CSNK2A1: variants seen among roughly 807,000 people sequenced by gnomAD.
The protein encoded by CSNK2A1 is casein kinase 2 alpha 1.
In CSNK2A1, 10 loss-of-function variants were observed where a neutral mutation model predicts 62.9. That is an observed-to-expected ratio of 0.16 (90% CI 0.10 to 0.27). CSNK2A1 has a LOEUF of 0.27. Among genes scored for constraint, CSNK2A1 ranks in the 10% least tolerant of loss-of-function variants. CSNK2A1 has a pLI of 1.00. For missense variants in CSNK2A1, 160 were observed against 492.0 expected (o/e 0.33, Z 6.38); for synonymous variants, 124 against 167.8 (o/e 0.74, Z 2.02).
rs992096360 is a variant in CSNK2A1, at chr20:476,503, A to T, written c.*7458T>A. On this transcript the variant is annotated 3_prime_UTR_variant, in exon 14 of 14. Coordinates refer to ENST00000217244, the MANE Select transcript of CSNK2A1 (RefSeq NM_177559.3). ...TCAAACTCCTGACCTCAGGTGATCC[A>T]CTCGCCTTGGTCTCCCAAAGTGTTG... is the stretch of plus-strand genomic sequence containing the variant. 1 of 151,320 alleles carries T rather than the reference A, an allele frequency of 6.6e-6. No homozygotes were observed. Among genetic ancestry groups the T allele is most frequent in the African/African-American group, 2.4e-5 (1 of 41,144 alleles). The allele number at this position is 151,320 out of a possible 1,614,324, so 9.4% of individuals were successfully genotyped here.
chr20:521,195 T>G (rs1179550981), intron 2 of CSNK2A1, among the ~76,000 whole-genome samples: 2 of 152,100 alleles, frequency 1.3e-5, no homozygotes, highest in Non-Finnish European at 2.9e-5. Flanking sequence ...AATAAAGAAC[T>G]TGTATCTGTA....
intron 2 of CSNK2A1, among the ~76,000 whole-genome samples, chr20:521,674 GAACA>G (rs1018752472): frequency 2.0e-5 from 3 of 152,164 alleles, no homozygotes; most frequent in South Asian, 2.1e-4. Context: ...ACAGTTACAT[GAACA>G]AACAAATGGT....
chr20:530,898 A>G (rs1027239552), intron 1 of CSNK2A1, among the ~76,000 whole-genome samples: 1 of 152,130 alleles, frequency 6.6e-6, no homozygotes. Flanking sequence ...AGCCTTGGCC[A>G]ACATGATGAA....
intron 7 of CSNK2A1, 45 bp downstream of exon 7, chr20:497,676 A>G (rs762183756): frequency 4.4e-5 from 67 of 1,515,436 alleles, no homozygotes; most frequent in Middle Eastern, 1.7e-4. Flanking sequence ...ATTTAACAAA[A>G]AGAAGACCAA....
At chr20:490,232 C>T (rs137919344) in intron 9 of CSNK2A1, among the ~76,000 whole-genome samples, 11 of 149,388 alleles carry the variant, frequency 7.4e-5, no homozygotes, top group South Asian at 2.1e-4. Context: ...GGTTTCACTA[C>T]GTTGGCCAGT....
intron 1 of CSNK2A1, among the ~76,000 whole-genome samples, chr20:528,669 C>G (rs187253412): frequency 6.6e-6 from 1 of 151,384 alleles, no homozygotes; most frequent in East Asian, 1.9e-4. Flanking sequence ...GTTATGTTAC[C>G]CAGGCTGGTC....
intron 8 of CSNK2A1, chr20:494,438 A>C (rs571023031): frequency 6.6e-6 from 1 of 152,374 alleles, no homozygotes; most frequent in South Asian, 2.1e-4. Context: ...TATGGTAAGC[A>C]TATGTTTAGC....
intron 1 of CSNK2A1, among the ~76,000 whole-genome samples, chr20:542,704 T>C (rs1416816344): frequency 6.6e-6 from 1 of 152,220 alleles, no homozygotes; most frequent in Non-Finnish European, 1.5e-5. Context: ...GTGCTGGGAT[T>C]ACAGGCGTGA....
At chr20:530,712 C>A (rs6084802) in intron 1 of CSNK2A1, among the ~76,000 whole-genome samples, 35,263 of 151,944 alleles carry the variant, frequency 0.23, 5,014 homozygotes, top group East Asian at 0.55. Flanking sequence ...TGGATTCAAG[C>A]GATCATCCCA....
In CSNK2A1 at chr20:499,870, T is replaced by C. The variant is rs1251034432; in HGVS notation, c.278A>G (p.Asn93Ser). Residue 93 changes from asparagine to serine, a missense_variant, in exon 5 of 14, where the codon AAC becomes AGC. Asn to Ser is a conservative substitution (Grantham distance 46). Around this residue, in one of 3 missense-constraint regions of CSNK2A1, gnomAD observed 94 missense variants for 357.6 expected, o/e 0.26. Transcript: ENST00000217244. The surrounding 1 kb of genome is among the most constrained non-coding windows in gnomAD (Gnocchi z 4.2). ...TACAATGTCTGCCAGTGTGATGATG[T>C]TGGGACCTCCTCTCAAATTCTCCAA... is the stretch of plus-strand genomic sequence containing the variant. ...KILENLRGGP[N>S]IITLADIVKD... The C allele has an allele frequency of 6.2e-7, 1 of 1,613,970 alleles. No homozygotes were observed. Among genetic ancestry groups the C allele is most frequent in the Non-Finnish European group, 8.5e-7 (1 of 1,180,012 alleles).
chr20:538,328 T>A (rs1340505659), intron 1 of CSNK2A1, among the ~76,000 whole-genome samples: 1 of 152,214 alleles, frequency 6.6e-6, no homozygotes, highest in Non-Finnish European at 1.5e-5. Context: ...AGACTAGCTC[T>A]AGGGCTGAGA....
chr20:528,378 T>G (rs1478041586), intron 1 of CSNK2A1, among the ~76,000 whole-genome samples: 1 of 152,140 alleles, frequency 6.6e-6, no homozygotes, highest in Non-Finnish European at 1.5e-5. Context: ...TAAAAACTGG[T>G]TGCCTTTCAA....
At chr20:542,215 C>T (rs2019464932) in intron 1 of CSNK2A1, among the ~76,000 whole-genome samples, 1 of 152,174 alleles carries the variant, frequency 6.6e-6, no homozygotes, top group Admixed American at 6.5e-5. Flanking sequence ...CACAAATTGT[C>T]TTATTTACTC....
chr20:506,954 C>T (rs960945585), intron 3 of CSNK2A1: 7 of 152,140 alleles, frequency 4.6e-5, no homozygotes, highest in African/African-American at 1.7e-4. Context: ...CACCTAGAGT[C>T]CAAAGCCTGT....
intron 12 of CSNK2A1, 74 bp from the exon 13 acceptor site, chr20:486,536 A>G: frequency 6.5e-7 from 1 of 1,531,932 alleles, no homozygotes; most frequent in East Asian, 2.3e-5. Flanking sequence ...GCCTGAAAGC[A>G]GCCAGCTTCA....
chr20:486,302 G>T (rs1302019542), intron 13 of CSNK2A1, 74 bp downstream of exon 13: 6 of 1,565,564 alleles, frequency 3.8e-6, no homozygotes, highest in Non-Finnish European at 1.7e-6. Context: ...AGGTATACAA[G>T]AAATCAGACC....
intron 2 of CSNK2A1, among the ~76,000 whole-genome samples, chr20:524,634 G>C (rs1333931398): frequency 6.8e-6 from 1 of 147,118 alleles, no homozygotes; most frequent in Non-Finnish European, 1.5e-5. Flanking sequence ...GGAGGCTGAG[G>C]CTGGAGAATC....
rs2122486544 is a variant in CSNK2A1, at chr20:481,921, G to C, written c.*2040C>G. 6.6e-6 allele frequency: 1 copy of C among 152,268 alleles called. No homozygotes were observed. The highest frequency in any genetic ancestry group is 2.4e-5 in the African/African-American group (1 of 41,544). The allele number at this position is 152,268 out of a possible 1,614,324, so 9.4% of individuals were successfully genotyped here. A position where few individuals can be genotyped will look rare whatever the true frequency, so the allele number is the denominator to read the frequency against. ...GCATTCTAGGGCATAAAAGGGTCAA[G>C]TACAATAAATATCCACTGTAAGTGG... On this transcript the variant is annotated 3_prime_UTR_variant, in exon 14 of 14. Transcript: ENST00000217244.
intron 1 of CSNK2A1, among the ~76,000 whole-genome samples, chr20:534,425 A>G (rs888887771): frequency 1.3e-5 from 2 of 152,192 alleles, no homozygotes; most frequent in African/African-American, 4.8e-5. Context: ...CCAGGCCACA[A>G]TTGTATAAAA....
Sources: allele counts gnomAD v4.1 joint callset (sites outside exome capture counted in the v4.1 genomes callset), GRCh38; gene constraint gnomAD v4.1.1; regional missense constraint gnomAD v4.1.1; non-coding constraint Gnocchi (gnomAD v3.1); transcripts MANE v1.5; gene names NCBI Gene and HGNC (gene_info 2026-07-23, HGNC 2026-07-21).